Variants in SV2C observed in about 807,000 individuals in gnomAD.
SV2C encodes synaptic vesicle glycoprotein 2C.
SV2C carries 49 observed loss-of-function variants against 79.7 expected under a neutral mutation model. That is an observed-to-expected ratio of 0.61 (90% CI 0.49 to 0.78). The LOEUF is 0.78. Ranked by LOEUF, SV2C falls within the 30% of genes least tolerant of loss-of-function variation. The pLI is 0.00. For missense variants in SV2C, 833 were observed against 912.9 expected (o/e 0.91, Z 1.13); for synonymous variants, 334 against 333.2 (o/e 1.00, Z -0.03).
chr5:76,000,070 G>A, the SV2C span, among the ~76,000 whole-genome samples: 1 of 152,056 alleles, frequency 6.6e-6, no homozygotes, highest in Non-Finnish European at 1.5e-5. Flanking sequence ...AAACAAACTG[G>A]TTGATGTCGA....
At chr5:76,150,205 T>C (rs1346642465) in intron 2 of SV2C, among the ~76,000 whole-genome samples, 2 of 151,478 alleles carry the variant, frequency 1.3e-5, no homozygotes, top group Non-Finnish European at 1.5e-5. Context: ...TATCTTTTTT[T>C]TTTTTTTTTG....
At chr5:76,299,395 C>T (rs573476799) in intron 10 of SV2C, among the ~76,000 whole-genome samples, 3 of 152,218 alleles carry the variant, frequency 2.0e-5, no homozygotes, top group African/African-American at 7.2e-5. Context: ...ATTGATTGAA[C>T]ACCTATATAC....
chr5:76,035,129 C>A, the SV2C span, among the ~76,000 whole-genome samples: 1 of 151,628 alleles, frequency 6.6e-6, no homozygotes, highest in African/African-American at 2.4e-5. Context: ...CTATTTGATT[C>A]TTCTCTTTTT....
chr5:76,128,585 C>G (rs1748784901), intron 1 of SV2C, among the ~76,000 whole-genome samples: 1 of 152,158 alleles, frequency 6.6e-6, no homozygotes, highest in Non-Finnish European at 1.5e-5. Flanking sequence ...TTGGGCTAAT[C>G]TCTCTAAGCC....
At chr5:75,910,647 CAGTGCAG>C in the SV2C span, 2 of 937,260 alleles carry the variant, frequency 2.1e-6, no homozygotes, top group African/African-American at 3.3e-5. Context: ...CACCTGGATG[CAGTGCAG>C]AATGCCAAGA....
chr5:76,055,541 A>T, the SV2C span, among the ~76,000 whole-genome samples: 1 of 152,086 alleles, frequency 6.6e-6, no homozygotes, highest in Non-Finnish European at 1.5e-5. Context: ...GAAGATGTCA[A>T]TGGTAGTTTG....
At chr5:75,998,012 T>TA in the SV2C span, among the ~76,000 whole-genome samples, 1 of 151,916 alleles carries the variant, frequency 6.6e-6, no homozygotes, top group Non-Finnish European at 1.5e-5. Context: ...TATGCAGCCA[T>TA]AAAAAAGGAT....
chr5:75,964,332 C>T, the SV2C span, among the ~76,000 whole-genome samples: 1 of 152,168 alleles, frequency 6.6e-6, no homozygotes, highest in African/African-American at 2.4e-5. Flanking sequence ...AGAGGCTTTA[C>T]TCTGGGTCAC....
At chr5:76,026,201 AACACACACACACACAC>A in the SV2C span, among the ~76,000 whole-genome samples, 2 of 140,032 alleles carry the variant, frequency 1.4e-5, no homozygotes, top group African/African-American at 2.7e-5. Context: ...CAAATTTACA[AACACACACACACACAC>A]ACACACACAC....
At chr5:76,243,672 G>A (rs141124479) in intron 4 of SV2C, among the ~76,000 whole-genome samples, 49 of 152,172 alleles carry the variant, frequency 3.2e-4, no homozygotes, top group Admixed American at 1.2e-3. Context: ...GCCGTGCCCC[G>A]CAGTCTATTC....
chr5:76,285,944 T>C (rs1228414174), intron 6 of SV2C, 74 bp downstream of exon 6: 4 of 1,413,274 alleles, frequency 2.8e-6, no homozygotes, highest in Non-Finnish European at 3.9e-6. Flanking sequence ...AAATTGTAAA[T>C]ATTTTAGACT....
chr5:75,936,883 A>G, the SV2C span, among the ~76,000 whole-genome samples: 1,238 of 152,352 alleles, frequency 8.1e-3, 7 homozygotes, highest in Middle Eastern at 0.034. Context: ...ATCTAGAACT[A>G]TGCTATCAAC....
At chr5:75,948,374 T>G in the SV2C span, among the ~76,000 whole-genome samples, 1 of 152,096 alleles carries the variant, frequency 6.6e-6, no homozygotes, top group African/African-American at 2.4e-5. Flanking sequence ...AAATAATTAT[T>G]GAGTACTCCC....
intron 12 of SV2C, among the ~76,000 whole-genome samples, chr5:76,309,599 C>CAAAA (rs769865757): frequency 4.3e-4 from 8 of 18,586 alleles, no homozygotes; most frequent in Middle Eastern, 0.036. Context: ...AACTCCATCT[C>CAAAA]AAAAAAAAAA....
intron 4 of SV2C, among the ~76,000 whole-genome samples, chr5:76,218,084 T>C (rs988121092): frequency 3.9e-5 from 6 of 152,198 alleles, no homozygotes; most frequent in African/African-American, 1.2e-4. Flanking sequence ...GTGCAATTGT[T>C]AACAGCATGG....
chr5:76,008,385 T>C, the SV2C span, among the ~76,000 whole-genome samples: 1 of 152,152 alleles, frequency 6.6e-6, no homozygotes, highest in African/African-American at 2.4e-5. Context: ...AAGGAATATT[T>C]TTCACCTATA....
chr5:76,107,718 G>A (rs563931007), intron 1 of SV2C, among the ~76,000 whole-genome samples: 1 of 152,100 alleles, frequency 6.6e-6, no homozygotes, highest in South Asian at 2.1e-4. Flanking sequence ...GCCAGACATG[G>A]TGGTGTGTGC....
At chr5:76,152,459 T>C (rs901020835) in intron 2 of SV2C, among the ~76,000 whole-genome samples, 2 of 152,210 alleles carry the variant, frequency 1.3e-5, no homozygotes, top group African/African-American at 2.4e-5. Flanking sequence ...AGGAGATACG[T>C]TGGCAAAATA....
intron 2 of SV2C, among the ~76,000 whole-genome samples, chr5:76,146,799 A>ATTT (rs1749444707): frequency 8.3e-6 from 1 of 121,030 alleles, no homozygotes; most frequent in Non-Finnish European, 1.7e-5. Context: ...TTTTTTTTTA[A>ATTT]AAAAAAAAAA....
Sources: gnomAD v4.1 joint callset for allele counts (sites outside exome capture counted in the v4.1 genomes callset) on GRCh38, gnomAD v4.1.1 for gene constraint, MANE v1.5 for transcripts, NCBI Gene and HGNC (gene_info 2026-07-23, HGNC 2026-07-21) for gene names.